Variants in GNG4 observed in about 807,000 individuals in gnomAD.
The protein encoded by GNG4 is guanine nucleotide-binding protein G(I)/G(S)/G(O) subunit gamma-4.
In GNG4, 4 loss-of-function variants were observed where a neutral mutation model predicts 5.8. That is an observed-to-expected ratio of 0.69 (90% CI 0.34 to 1.57). GNG4 has a LOEUF of 1.57. Among genes scored for constraint, GNG4 ranks in the 40% most tolerant of loss-of-function variants. GNG4 has a pLI of 0.06. For missense variants in GNG4, 96 were observed against 95.1 expected (o/e 1.01, Z -0.04); for synonymous variants, 29 against 32.9 (o/e 0.88, Z 0.41).
chr1:235,573,543 C>T (rs969310939), intron 3 of GNG4, among the ~76,000 whole-genome samples: 10 of 151,996 alleles, frequency 6.6e-5, no homozygotes, highest in African/African-American at 1.2e-4. Context: ...TTTGGGAGGC[C>T]GAGGTGGGCG....
chr1:235,592,742 T>G (rs141838459), intron 2 of GNG4, among the ~76,000 whole-genome samples: 119 of 152,276 alleles, frequency 7.8e-4, no homozygotes, highest in African/African-American at 2.7e-3. Context: ...TTTACAATCT[T>G]ACCTGTAACT....
rs1367389925 is a variant in GNG4, at chr1:235,642,315, TG to T, written c.-123+7346del. The stretch of plus-strand genomic sequence containing the variant: ...CCTCCGCCTCGAGGCCACTGGTGCT[TG>T]GGGGTGGGAAAAGAGTGACCGGGGG... On this transcript the variant is annotated intron_variant, in intron 1 of 3. Transcript: ENST00000391854. This position sits in a 1 kb window ranked among gnomAD's most constrained non-coding sequence, Gnocchi z 4.3. Among the ~76,000 whole-genome samples the T allele has an allele frequency of 2.6e-5, 4 of 151,930 alleles. No homozygotes were observed. Among genetic ancestry groups the T allele is most frequent in the Admixed American group, 6.5e-5 (1 of 15,272 alleles).
intron 3 of GNG4, among the ~76,000 whole-genome samples, chr1:235,580,895 C>A (rs1194320101): frequency 1.3e-5 from 2 of 152,016 alleles, no homozygotes; most frequent in African/African-American, 2.4e-5. Flanking sequence ...GGATTACAGG[C>A]ACACGTCACC....
At chr1:235,626,773 A>G (rs1402870653) in intron 1 of GNG4, among the ~76,000 whole-genome samples, 1 of 152,044 alleles carries the variant, frequency 6.6e-6, no homozygotes, top group East Asian at 1.9e-4. Context: ...AGCCTGGCCA[A>G]CATGGTGAAA....
chr1:235,569,670 C>T lies in GNG4; in HGVS notation c.99+14070G>A, dbSNP rs550980919. Among the ~76,000 whole-genome samples the T allele has an allele frequency of 3.9e-5, 6 of 151,942 alleles. No individual in the cohort carries two copies. The South Asian group carries it at 1.0e-3, about 26-fold the overall frequency. The stretch of plus-strand genomic sequence containing the variant: ...TGTTTGAACGCCTCCCAGGTTCAAG[C>T]GATTCTCCCACCTCAGCCTCCCGAG... On this transcript the variant is annotated intron_variant, in intron 3 of 3. Coordinates refer to ENST00000391854, the MANE Select transcript of GNG4 (RefSeq NM_001098722.2).
intron 1 of GNG4, among the ~76,000 whole-genome samples, chr1:235,622,073 A>G (rs1688723856): frequency 6.6e-6 from 1 of 152,230 alleles, no homozygotes; most frequent in Non-Finnish European, 1.5e-5. Flanking sequence ...GTAAGATTCT[A>G]TAAATAAAGC....
chr1:235,587,846 T>G (rs1687859390), intron 2 of GNG4, among the ~76,000 whole-genome samples: 1 of 146,006 alleles, frequency 6.8e-6, no homozygotes, highest in African/African-American at 2.5e-5. Flanking sequence ...GGTGAACGTG[T>G]GTGTAAGTGT....
At chr1:235,569,528 C>CTT (rs143624751) in intron 3 of GNG4, among the ~76,000 whole-genome samples, 19 of 145,874 alleles carry the variant, frequency 1.3e-4, no homozygotes, top group African/African-American at 4.0e-4. Context: ...TGCCTATATT[C>CTT]TTTTTTTTTT....
chr1:235,563,587 G>A (rs989620683), intron 3 of GNG4, among the ~76,000 whole-genome samples: 1 of 152,126 alleles, frequency 6.6e-6, no homozygotes, highest in African/African-American at 2.4e-5. Flanking sequence ...CCCCTTCTCT[G>A]GTTGGAGGAA....
chr1:235,566,909 G>A (rs868311589), intron 3 of GNG4: 1 of 152,188 alleles, frequency 6.6e-6, no homozygotes, highest in Non-Finnish European at 1.5e-5. Flanking sequence ...GCTGGATTTG[G>A]AGATAACTTT....
intron 2 of GNG4, among the ~76,000 whole-genome samples, chr1:235,593,622 C>T (rs10926175): frequency 2.0e-5 from 3 of 152,102 alleles, no homozygotes; most frequent in African/African-American, 4.8e-5. Flanking sequence ...GCGGCGTGTC[C>T]GGAGTTTGCT....
chr1:235,628,951 A>C (rs1266559231), intron 1 of GNG4, among the ~76,000 whole-genome samples: 1 of 149,472 alleles, frequency 6.7e-6, no homozygotes, highest in Non-Finnish European at 1.5e-5. Context: ...CAAAACTGGC[A>C]CTTGTTCTCC....
chr1:235,598,386 A>T (rs1269900563), intron 1 of GNG4, among the ~76,000 whole-genome samples: 1 of 152,134 alleles, frequency 6.6e-6, no homozygotes, highest in Non-Finnish European at 1.5e-5. Flanking sequence ...GCAGCGGAGG[A>T]TTGTTTGAGC....
At chr1:235,560,899 T>C (rs537584489) in intron 3 of GNG4, among the ~76,000 whole-genome samples, 22 of 152,356 alleles carry the variant, frequency 1.4e-4, no homozygotes, top group African/African-American at 5.3e-4. Flanking sequence ...TGTAGTGGTA[T>C]CTTATTGTTT....
At chr1:235,560,668 ATT>A (rs1301977293) in intron 3 of GNG4, among the ~76,000 whole-genome samples, 8 of 152,242 alleles carry the variant, frequency 5.3e-5, no homozygotes, top group Admixed American at 2.0e-4. Flanking sequence ...TTATTAGGGC[ATT>A]GGATGCCCAC....
chr1:235,562,282 C>T (rs896613081), intron 3 of GNG4, among the ~76,000 whole-genome samples: 8 of 152,102 alleles, frequency 5.3e-5, no homozygotes, highest in African/African-American at 1.9e-4. Context: ...ATTTTATTGG[C>T]TATTCTGGGT....
chr1:235,629,738 C>T (rs904193959), intron 1 of GNG4, among the ~76,000 whole-genome samples: 2 of 151,938 alleles, frequency 1.3e-5, no homozygotes, highest in Non-Finnish European at 2.9e-5. Flanking sequence ...CTGGGACTAG[C>T]ATGCCACCAT....
At chr1:235,636,600 C>T (rs1374989150) in intron 1 of GNG4, among the ~76,000 whole-genome samples, 1 of 152,204 alleles carries the variant, frequency 6.6e-6, no homozygotes, top group Admixed American at 6.5e-5. Context: ...CATGGGTCCT[C>T]CAGCAGGGCA....
chr1:235,560,267 G>C (rs574243624), intron 3 of GNG4, among the ~76,000 whole-genome samples: 12 of 152,316 alleles, frequency 7.9e-5, no homozygotes, highest in African/African-American at 2.9e-4. Context: ...GAGCATGTTA[G>C]GAGGTGAGGC....
Sources: gnomAD v4.1 joint callset for allele counts (sites outside exome capture counted in the v4.1 genomes callset) on GRCh38, gnomAD v4.1.1 for gene constraint, Gnocchi (gnomAD v3.1) non-coding constraint, MANE v1.5 for transcripts, NCBI Gene and HGNC (gene_info 2026-07-23, HGNC 2026-07-21) for gene names.